PILRA: variants seen among roughly 807,000 people sequenced by gnomAD.
The protein encoded by PILRA is paired immunoglobin like type 2 receptor alpha.
In PILRA, 37 loss-of-function variants were observed where a neutral mutation model predicts 33.1. The observed-to-expected ratio is 1.12, with a 90% confidence interval of 0.86 to 1.47. The LOEUF is 1.47. PILRA is among the 40% of genes most tolerant of loss of function. The probability of loss-of-function intolerance (pLI) is 0.00; values close to 1 mark genes in which losing one functional copy is unlikely to be tolerated. For missense variants in PILRA, 312 were observed against 376.2 expected, an observed-to-expected ratio of 0.83 and a Z score of 1.41; for synonymous variants, 146 against 149.9, an observed-to-expected ratio of 0.97 and a Z score of 0.19.
chr7:100,399,389 T>G, intron 5 of PILRA, 49 bp downstream of exon 5: 1 of 1,530,670 alleles, frequency 6.5e-7, no homozygotes, highest in Non-Finnish European at 9.0e-7. Flanking sequence ...TGGCACTTCC[T>G]GTTTCCCCAA....
Position 100,373,688 on chromosome 7 carries a change from C to A in PILRA, c.32C>A (p.Pro11His), listed in dbSNP as rs780522436. 2 of 1,613,158 alleles carry A rather than the reference C, an allele frequency of 1.2e-6. No individual in the cohort carries two copies. The highest frequency in any genetic ancestry group is 2.2e-5 in the South Asian group (2 of 91,070). The change falls in exon 1 of 7, where the codon CCC becomes CAC. Residue 11 changes from proline to histidine, a missense_variant. Pro to His is a moderately conservative substitution (Grantham distance 77). Transcript: ENST00000198536. Reference sequence around the variant, plus strand: ...CGGCCCCTGCTGCTGCCCCTACTGCCCTTGCTGCTGCCGCCAGCATTTCTG... The same window carrying A: ...CGGCCCCTGCTGCTGCCCCTACTGCACTTGCTGCTGCCGCCAGCATTTCTG... MGRPLLLPLLPLLLPPAFLQP... is the reference protein window; with the variant it reads MGRPLLLPLLHLLLPPAFLQP...
chr7:100,383,386 C>T (rs1051946513), intron 2 of PILRA, among the ~76,000 whole-genome samples: 9 of 152,116 alleles, frequency 5.9e-5, no homozygotes, highest in African/African-American at 2.2e-4. Flanking sequence ...TGGGAGCAGA[C>T]CTGGAGAAGC....
At chr7:100,393,267 G>A (rs1791423852) in intron 3 of PILRA, among the ~76,000 whole-genome samples, 1 of 150,946 alleles carries the variant, frequency 6.6e-6, no homozygotes, top group South Asian at 2.1e-4. Flanking sequence ...GTGATAGAGC[G>A]AGACTCTGTC....
At chr7:100,383,837 A>G (rs1287542550) in intron 2 of PILRA, among the ~76,000 whole-genome samples, 1 of 152,002 alleles carries the variant, frequency 6.6e-6, no homozygotes, top group Non-Finnish European at 1.5e-5. Context: ...GGGTTTCACC[A>G]TGTTGGCCAG....
Position 100,374,399 on chromosome 7 carries a change from G to C in PILRA, c.420G>C (p.Gln140His). ...GGAGCTCAGGGAGGCAGCAGTGGCA[G>C]TCCATCGAGGGGACCAAACTCTCCA... Reference protein sequence around the residue: ...DTRSSGRQQWQSIEGTKLSIT... With the variant: ...DTRSSGRQQWHSIEGTKLSIT... The change falls in exon 2 of 7, where the codon CAG (glutamine) becomes CAC (histidine). Residue 140 changes from glutamine (Q) to histidine (H), a missense_variant. Coordinates refer to ENST00000198536, the MANE Select transcript of PILRA (RefSeq NM_013439.3). 1.9e-6 allele frequency: 3 copies of C among 1,614,082 alleles called. No homozygotes were observed. The highest frequency in any genetic ancestry group is 2.5e-6 in the Non-Finnish European group (3 of 1,180,004).
upstream of PILRA, chr7:100,373,413 C>G: frequency 1.7e-6 from 1 of 594,828 alleles, no homozygotes; most frequent in Non-Finnish European, 3.0e-6. Flanking sequence ...GCAGGGCTGA[C>G]TTGGCACTGA....
Position 100,400,035 on chromosome 7 carries a change from T to C in PILRA, c.*128T>C, listed in dbSNP as rs2130257528. The C allele has an allele frequency of 5.1e-6, 4 of 781,048 alleles. No homozygotes were observed. The highest frequency in any genetic ancestry group is 7.6e-6 in the Non-Finnish European group (4 of 526,468). 48.4% of individuals were successfully genotyped at this position (781,048 alleles called of 1,614,324 possible). A position where few individuals can be genotyped will look rare whatever the true frequency, so the allele number is the denominator to read the frequency against. ...AGGAGTTCAGGGCCAGCTTTGATAA[T>C]GGAGCGAGATGCCATCTCTAGTTAA... On this transcript the variant is annotated 3_prime_UTR_variant, in exon 7 of 7. Transcript: ENST00000198536.
intron 2 of PILRA, among the ~76,000 whole-genome samples, chr7:100,383,677 C>T (rs1391034125): frequency 1.3e-5 from 2 of 151,550 alleles, no homozygotes; most frequent in African/African-American, 4.9e-5. Context: ...CGCTCTGTCG[C>T]CCAGGCTGGA....
chr7:100,398,539 C>T lies in PILRA; in HGVS notation c.707+627C>T, dbSNP rs979030378. Among the ~76,000 whole-genome samples the T allele has an allele frequency of 3.9e-5, 6 of 152,140 alleles. No homozygotes were observed. In the East Asian group the frequency reaches 5.8e-4, roughly 15 times the overall value. On this transcript the variant is annotated intron_variant, in intron 4 of 6. Transcript: ENST00000198536. ...GAAAGCCTCACCCCTACCCTTTCTCCTGCACTGGCTTTTGCCAGCTGCCCT... is the reference window on the plus strand; with the variant it reads ...GAAAGCCTCACCCCTACCCTTTCTCTTGCACTGGCTTTTGCCAGCTGCCCT...
At chr7:100,388,692 G>A (rs1584223144) in intron 2 of PILRA, among the ~76,000 whole-genome samples, 1 of 143,744 alleles carries the variant, frequency 7.0e-6, no homozygotes, top group South Asian at 2.2e-4. Context: ...GTTGCAGTGA[G>A]CCGAGGCTGC....
At chr7:100,389,577 AAAGGAAGGAAGAAATGG>A (rs536694703) in intron 2 of PILRA, among the ~76,000 whole-genome samples, 2,615 of 151,738 alleles carry the variant, frequency 0.017, 38 homozygotes, top group Middle Eastern at 0.038. Context: ...AAATAAAATT[AAAGGAAGGAAGAAATGG>A]AAGGAAGGAA....
At chr7:100,372,442 C>G (rs1384257619), upstream of PILRA, among the ~76,000 whole-genome samples, 1 of 152,178 alleles carries the variant, frequency 6.6e-6, no homozygotes, top group Non-Finnish European at 1.5e-5. Flanking sequence ...GAAATCCTGT[C>G]TTCCCCCACG....
chr7:100,392,953 C>CA (rs1791417803), intron 3 of PILRA, among the ~76,000 whole-genome samples: 1 of 152,168 alleles, frequency 6.6e-6, no homozygotes, highest in Non-Finnish European at 1.5e-5. Context: ...CAGTCTTCCT[C>CA]AGTATGACCA....
intron 2 of PILRA, among the ~76,000 whole-genome samples, chr7:100,381,408 G>GCACTC (rs1009190219): frequency 1.4e-5 from 2 of 139,578 alleles, no homozygotes; most frequent in Non-Finnish European, 3.0e-5. Flanking sequence ...TCCCACCACT[G>GCACTC]CACTCCAGCC....
chr7:100,395,911 G>A (rs1483258384), intron 3 of PILRA, among the ~76,000 whole-genome samples: 1 of 152,072 alleles, frequency 6.6e-6, no homozygotes, highest in Non-Finnish European at 1.5e-5. Flanking sequence ...GATCACCTGA[G>A]GCCAGGAGTT....
At chr7:100,394,927 T>C (rs991958559) in intron 3 of PILRA, among the ~76,000 whole-genome samples, 2 of 152,042 alleles carry the variant, frequency 1.3e-5, no homozygotes, top group African/African-American at 4.8e-5. Flanking sequence ...TTGCCTGTGA[T>C]ACCAAAAGCA....
chr7:100,389,351 G>C (rs1300732906), intron 2 of PILRA, among the ~76,000 whole-genome samples: 1 of 152,208 alleles, frequency 6.6e-6, no homozygotes, highest in Admixed American at 6.5e-5. Flanking sequence ...ACAGCACTGT[G>C]AATGTGCTTG....
Position 100,373,555 on chromosome 7 carries a change from C to T in PILRA, c.-102C>T. On this transcript the variant is annotated 5_prime_UTR_variant, in exon 1 of 7. Transcript: ENST00000198536. ...AGCCCTCTTCGGAGCCTGAGCCCGG[C>T]TCTCCTCACTCACCTCAACCCCCAG... is the stretch of plus-strand genomic sequence containing the variant. 7.4e-7 allele frequency: 1 copy of T among 1,346,306 alleles called. No individual in the cohort carries two copies. The highest frequency in any genetic ancestry group is 1.1e-6 in the Non-Finnish European group (1 of 945,814). The allele number at this position is 1,346,306 out of a possible 1,614,324, so 83.4% of individuals were successfully genotyped here. A position where few individuals can be genotyped will look rare whatever the true frequency, so the allele number is the denominator to read the frequency against.
intron 2 of PILRA, chr7:100,376,038 T>A (rs1790939495): frequency 6.6e-6 from 1 of 152,168 alleles, no homozygotes; most frequent in Non-Finnish European, 1.5e-5. Flanking sequence ...GAAACTAATC[T>A]TTGGCCAGGT....
Sources: gnomAD v4.1 joint callset for allele counts (sites outside exome capture counted in the v4.1 genomes callset) on GRCh38, gnomAD v4.1.1 for gene constraint, MANE v1.5 for transcripts, NCBI Gene and HGNC (gene_info 2026-07-23, HGNC 2026-07-21) for gene names.